The following DOCK11 variants were observed in gnomAD, a reference collection of about 807,000 sequenced individuals.
The protein encoded by DOCK11 is dedicator of cytokinesis 11.
DOCK11 carries 70 observed loss-of-function variants against 169.1 expected under a neutral mutation model. The observed-to-expected ratio is 0.41, with a 90% CI of 0.34 to 0.51. DOCK11 has a LOEUF of 0.51. Among genes scored for constraint, DOCK11 ranks in the 20% least tolerant of loss-of-function variants. The probability of loss-of-function intolerance (pLI) is 0.10; values close to 1 mark genes in which losing one functional copy is unlikely to be tolerated. For synonymous variants in DOCK11, 529 were observed against 541.3 expected, an observed-to-expected ratio of 0.98 and a Z score of 0.32; for missense variants, 1,166 against 1,538.8, an observed-to-expected ratio of 0.76 and a Z score of 4.05.
In DOCK11 at chrX:118,514,232, G is replaced by GCC. The variant is rs201329388; in HGVS notation, c.102+18166_102+18167dup. ...CTGCCTGGACTGTAAGTTTCCTGAGGCCCCCCCCATCAATGCTGAACTGTG... is the reference window on the plus strand; with the variant it reads ...CTGCCTGGACTGTAAGTTTCCTGAGGCCCCCCCCCCATCAATGCTGAACTGTG... On this transcript the variant is annotated intron_variant, in intron 1 of 52. Transcript: ENST00000276202. Among the ~76,000 whole-genome samples the GCC allele has an allele frequency of 8.9e-4, 96 of 108,340 alleles. 1 individual carries two copies. The highest frequency in any genetic ancestry group is 2.6e-3 in the African/African-American group (77 of 29,701). 94.1% of individuals were successfully genotyped at this position (108,340 alleles called of 115,157 possible).
intron 1 of DOCK11, among the ~76,000 whole-genome samples, chrX:118,541,031 T>G (rs892366447): frequency 7.2e-5 from 8 of 111,519 alleles, no homozygotes; most frequent in African/African-American, 2.6e-4. Flanking sequence ...AATGACTGGA[T>G]GTCTACCGTG....
At position 118,516,138 on chromosome X, in the gene DOCK11, C is replaced by G. The variant is rs746275467; in HGVS notation, c.102+20065C>G. ...GATGGAGTCTGCGTCTGTTATCCAGCCTGGAGTGCAGTGGCATGATCTCGA... is the reference window on the plus strand; with the variant it reads ...GATGGAGTCTGCGTCTGTTATCCAGGCTGGAGTGCAGTGGCATGATCTCGA... On this transcript the variant is annotated intron_variant, in intron 1 of 52. Transcript: ENST00000276202. 2.8e-3 allele frequency among the ~76,000 whole-genome samples: 230 copies of G among 83,139 alleles called. 1 individual carries two copies. The highest frequency in any genetic ancestry group is 0.011 in the African/African-American group (209 of 19,814). 72.2% of individuals were successfully genotyped at this position (83,139 alleles called of 115,157 possible).
chrX:118,532,799 G>T (rs868205824), intron 1 of DOCK11, among the ~76,000 whole-genome samples: 2 of 84,874 alleles, frequency 2.4e-5, no homozygotes, highest in African/African-American at 3.9e-5. Context: ...AAAAAAAAAA[G>T]AAGGTGTGCC....
intron 39 of DOCK11, among the ~76,000 whole-genome samples, chrX:118,642,196 G>A (rs2015551845): frequency 8.9e-6 from 1 of 111,970 alleles, no homozygotes; most frequent in African/African-American, 3.2e-5. Context: ...GATGTACATT[G>A]TATTCCTTCC....
At chrX:118,641,382 G>A (rs1402798710) in intron 39 of DOCK11, 77 bp downstream of exon 39, 8 of 715,217 alleles carry the variant, frequency 1.1e-5, no homozygotes, top group Non-Finnish European at 1.7e-5. Context: ...TCAATGTGGG[G>A]TAGTACACTG....
At chrX:118,534,506 C>T (rs1033921888) in intron 1 of DOCK11, among the ~76,000 whole-genome samples, 12 of 111,896 alleles carry the variant, frequency 1.1e-4, no homozygotes, top group African/African-American at 3.9e-4. Flanking sequence ...CAATTTCTTC[C>T]CTATGCTAAA....
intron 31 of DOCK11, among the ~76,000 whole-genome samples, chrX:118,621,623 A>G (rs1178725821): frequency 9.0e-6 from 1 of 110,943 alleles, no homozygotes; most frequent in Non-Finnish European, 1.9e-5. Context: ...CTCATAAACT[A>G]TTTAGCAATA....
At chrX:118,520,371 C>A (rs1023373008) in intron 1 of DOCK11, among the ~76,000 whole-genome samples, 4 of 112,314 alleles carry the variant, frequency 3.6e-5, no homozygotes, top group African/African-American at 9.7e-5. Context: ...TCCAGAAAGC[C>A]CACTCCCTGC....
intron 18 of DOCK11, among the ~76,000 whole-genome samples, chrX:118,589,687 T>A (rs2147421924): frequency 8.9e-6 from 1 of 112,276 alleles, no homozygotes; most frequent in Admixed American, 9.4e-5. Flanking sequence ...GTGCCACATT[T>A]AAAAATGTGA....
chrX:118,516,004 A>ACTCTATATATATATATATATATAT (rs1436837389), intron 1 of DOCK11, among the ~76,000 whole-genome samples: 5 of 44,940 alleles, frequency 1.1e-4, no homozygotes, highest in African/African-American at 4.7e-4. Context: ...GATTTGGGCA[A>ACTCTATATATATATATATATATAT]ATATATATAT....
At position 118,533,985 on chromosome X, in the gene DOCK11, G is replaced by T. The variant is rs148235957; in HGVS notation, c.103-8740G>T. Among the ~76,000 whole-genome samples the T allele has an allele frequency of 4.5e-3, 508 of 111,860 alleles. 2 individuals carry two copies. Among genetic ancestry groups the T allele is most frequent in the African/African-American group, 0.016 (488 of 30,819 alleles). Reference sequence around the variant, plus strand: ...TAGAAAGTCATTATGTATCTCCAAGGCACATTTCTTTTTCTTTCTGTCAAT... The same window carrying T: ...TAGAAAGTCATTATGTATCTCCAAGTCACATTTCTTTTTCTTTCTGTCAAT... On this transcript the variant is annotated intron_variant, in intron 1 of 52. Transcript: ENST00000276202.
At chrX:118,542,453 G>C (rs1323629993) in intron 1 of DOCK11, among the ~76,000 whole-genome samples, 1 of 110,704 alleles carries the variant, frequency 9.0e-6, no homozygotes, top group African/African-American at 3.3e-5. Flanking sequence ...TTACAGGCAT[G>C]AGCCACCATG....
intron 1 of DOCK11, among the ~76,000 whole-genome samples, chrX:118,535,045 C>A (rs1603039107): frequency 2.7e-5 from 3 of 112,184 alleles, no homozygotes; most frequent in South Asian, 7.3e-4. Context: ...CTAAGCCAGT[C>A]ATGTTCAGCA....
chrX:118,684,568 C>T (rs935081132), intron 52 of DOCK11, among the ~76,000 whole-genome samples: 4 of 111,287 alleles, frequency 3.6e-5, no homozygotes, highest in Non-Finnish European at 7.5e-5. Flanking sequence ...GCCACCACGC[C>T]TGGCTGCTTT....
intron 20 of DOCK11, among the ~76,000 whole-genome samples, chrX:118,594,638 T>C (rs1163295238): frequency 9.0e-6 from 1 of 111,653 alleles, no homozygotes; most frequent in African/African-American, 3.3e-5. Flanking sequence ...AGATCTCATC[T>C]TCAGTGAGGA....
Position 118,588,288 on chromosome X carries a change from A to G in DOCK11, c.1947A>G (p.Gln649=), listed in dbSNP as rs1355477982. The G allele has an allele frequency of 3.4e-5, 40 of 1,183,016 alleles. No homozygotes were observed. Among genetic ancestry groups the G allele is most frequent in the Non-Finnish European group, 4.4e-5 (39 of 883,673 alleles). The change falls in exon 17 of 53, where the codon CAA becomes CAG. Residue 649 remains glutamine (Q), a synonymous_variant. Transcript: ENST00000276202. The part of the protein sequence containing the change: ...YKNHLYVYPL[Q]LKYDSQKTFA... ...ACCATCTGTATGTATATCCCCTGCA[A>G]TTAAAATACGATAGCCAGAAAACAT...
intron 6 of DOCK11, among the ~76,000 whole-genome samples, chrX:118,546,541 G>A (rs776607139): frequency 3.2e-4 from 36 of 112,147 alleles, no homozygotes; most frequent in South Asian, 7.4e-4. Context: ...CTTGGTCTCA[G>A]CCTCTAGACT....
At chrX:118,500,680 G>C (rs888152799) in intron 1 of DOCK11, among the ~76,000 whole-genome samples, 1 of 110,764 alleles carries the variant, frequency 9.0e-6, no homozygotes, top group South Asian at 3.8e-4. Context: ...GAGTGCAGTG[G>C]TGTAATCATG....
At chrX:118,655,037 T>C in intron 44 of DOCK11, 76 bp downstream of exon 44, 1 of 953,466 alleles carries the variant, frequency 1.0e-6, no homozygotes, top group Non-Finnish European at 1.5e-6. Flanking sequence ...AGTTTAGCTA[T>C]GAATATGATA....
Sources: gnomAD v4.1 joint callset for allele counts (sites outside exome capture counted in the v4.1 genomes callset) on GRCh38, gnomAD v4.1.1 for gene constraint, MANE v1.5 for transcripts, NCBI Gene and HGNC (gene_info 2026-07-23, HGNC 2026-07-21) for gene names.